Variants in ZFHX3 observed in about 807,000 individuals in gnomAD.
ZFHX3 encodes zinc finger homeobox 3.
Under a neutral mutation model 279.1 loss-of-function variants are expected in ZFHX3, and 42 were observed. The ratio of observed to expected loss-of-function variants is 0.15; its 90% confidence interval spans 0.12 to 0.19. ZFHX3 has a LOEUF of 0.19. Ranked by LOEUF, ZFHX3 falls within the 10% of genes least tolerant of loss-of-function variation. The pLI is 1.00. For synonymous variants in ZFHX3, 2,293 were observed against 1,957.8 expected (o/e 1.17, Z -4.52); for missense variants, 4,981 against 4,754.0 (o/e 1.05, Z -1.40).
intron 3 of ZFHX3, among the ~76,000 whole-genome samples, chr16:73,349,000 A>T (rs1360526072): frequency 3.3e-5 from 5 of 152,186 alleles, no homozygotes; most frequent in African/African-American, 1.2e-4. Context: ...GGATGGTTTT[A>T]TTATCCTGGG....
intron 1 of ZFHX3, among the ~76,000 whole-genome samples, chr16:73,693,409 G>A (rs1241670809): frequency 1.3e-5 from 2 of 152,014 alleles, no homozygotes; most frequent in South Asian, 4.2e-4. Context: ...ATTATTTATA[G>A]AAGATTCACT....
chr16:73,245,259 C>T (rs1450535683), intron 5 of ZFHX3, among the ~76,000 whole-genome samples: 3 of 152,170 alleles, frequency 2.0e-5, no homozygotes, highest in Non-Finnish European at 4.4e-5. Context: ...CACATCCCCA[C>T]TTTTCTGTTT....
intron 3 of ZFHX3, among the ~76,000 whole-genome samples, chr16:73,369,246 CA>C (rs1386839383): frequency 6.6e-6 from 1 of 152,154 alleles, no homozygotes; most frequent in Non-Finnish European, 1.5e-5. Context: ...AGGGTTGAAA[CA>C]ATACAGTGCA....
At chr16:72,818,400 T>A (rs1283544979) in intron 5 of ZFHX3, among the ~76,000 whole-genome samples, 1 of 152,222 alleles carries the variant, frequency 6.6e-6, no homozygotes, top group African/African-American at 2.4e-5. Context: ...TGGGCTTTCT[T>A]ACTTGAATCT....
intron 2 of ZFHX3, among the ~76,000 whole-genome samples, chr16:73,552,177 T>C (rs2143771818): frequency 6.6e-6 from 1 of 152,278 alleles, no homozygotes; most frequent in East Asian, 1.9e-4. Context: ...TGGGGCAATC[T>C]TGAGTTTTTA....
chr16:72,913,491 G>A (rs1028123880), intron 3 of ZFHX3, among the ~76,000 whole-genome samples: 1 of 152,128 alleles, frequency 6.6e-6, no homozygotes, highest in African/African-American at 2.4e-5. Flanking sequence ...GCCACCAAGG[G>A]GAAGGACCCT....
At chr16:73,387,169 G>A (rs2016917714) in intron 3 of ZFHX3, 1 of 152,176 alleles carries the variant, frequency 6.6e-6, no homozygotes, top group Non-Finnish European at 1.5e-5. Flanking sequence ...AAAAACCCAT[G>A]GTCCCTGCAT....
At chr16:72,942,316 C>T (rs544066847) in intron 3 of ZFHX3, among the ~76,000 whole-genome samples, 2 of 152,208 alleles carry the variant, frequency 1.3e-5, no homozygotes, top group East Asian at 1.9e-4. Flanking sequence ...GCAGAAGCAA[C>T]GGAATATTTG....
intron 4 of ZFHX3, among the ~76,000 whole-genome samples, chr16:72,840,920 A>G (rs1426368145): frequency 2.0e-5 from 3 of 152,246 alleles, no homozygotes; most frequent in Non-Finnish European, 4.4e-5. Context: ...AAATCAGGCC[A>G]GCTTGAGGCA....
rs10672414 is a variant in ZFHX3 at position 73,055,847 on chromosome 16, T to TACACACACACACACAC, written c.-24+2667_-24+2682dup. Among the ~76,000 whole-genome samples, 691 of 138,686 alleles carry TACACACACACACACAC rather than the reference T, an allele frequency of 5.0e-3. 3 individuals are homozygous for TACACACACACACACAC. The highest frequency in any genetic ancestry group is 7.6e-3 in the Admixed American group (108 of 14,148). The allele number at this position is 138,686 out of a possible 152,430, so 91.0% of individuals were successfully genotyped here. On this transcript the variant is annotated intron_variant, in intron 1 of 8. Transcript: ENST00000397992. ...CCCCAAATCCTCATACCTACAACTC[T>TACACACACACACACAC]ACACACACACACACACACACACACA...
intron 3 of ZFHX3, among the ~76,000 whole-genome samples, chr16:73,420,432 G>A (rs1350699663): frequency 1.3e-5 from 2 of 152,128 alleles, no homozygotes; most frequent in Non-Finnish European, 2.9e-5. Context: ...AGACATGTGG[G>A]TTATCACCAC....
intron 6 of ZFHX3, among the ~76,000 whole-genome samples, chr16:73,131,437 A>G (rs540853547): frequency 6.6e-5 from 10 of 152,322 alleles, no homozygotes; most frequent in East Asian, 1.9e-4. Context: ...AACTTGTCCA[A>G]GGTCATTCAG....
At chr16:72,931,675 G>A (rs1016755371) in intron 3 of ZFHX3, among the ~76,000 whole-genome samples, 2 of 152,080 alleles carry the variant, frequency 1.3e-5, no homozygotes, top group Non-Finnish European at 2.9e-5. Context: ...GACTGCAGGT[G>A]CTCCCTACAG....
At chr16:73,805,077 T>C (rs938636996) in intron 1 of ZFHX3, among the ~76,000 whole-genome samples, 18 of 152,142 alleles carry the variant, frequency 1.2e-4, no homozygotes, top group Non-Finnish European at 1.9e-4. Flanking sequence ...TCTGACACAA[T>C]CAGAGAAAAT....
At chr16:73,659,243 G>A (rs1420180827) in intron 2 of ZFHX3, among the ~76,000 whole-genome samples, 1 of 152,110 alleles carries the variant, frequency 6.6e-6, no homozygotes, top group East Asian at 1.9e-4. Flanking sequence ...GACAGGCAGG[G>A]ATTCACACAA....
chr16:73,151,137 TAG>T (rs1255677251), intron 5 of ZFHX3, among the ~76,000 whole-genome samples: 2 of 152,182 alleles, frequency 1.3e-5, no homozygotes, highest in African/African-American at 2.4e-5. Context: ...CAAAAATTCA[TAG>T]AGACAGAAAA....
intron 5 of ZFHX3, among the ~76,000 whole-genome samples, chr16:73,152,795 G>A (rs1445567931): frequency 3.3e-5 from 5 of 149,278 alleles, no homozygotes; most frequent in Non-Finnish European, 7.4e-5. Flanking sequence ...CTGGGCTACC[G>A]GGGTGAGGAG....
intron 3 of ZFHX3, among the ~76,000 whole-genome samples, chr16:73,379,511 A>G (rs570667534): frequency 6.6e-6 from 1 of 152,342 alleles, no homozygotes; most frequent in South Asian, 2.1e-4. Flanking sequence ...CTTCACCCAC[A>G]TAGCAGAGAC....
intron 2 of ZFHX3, among the ~76,000 whole-genome samples, chr16:73,659,523 A>G (rs111905827): frequency 0.011 from 1,654 of 152,242 alleles, 33 homozygotes; most frequent in African/African-American, 0.036. Flanking sequence ...CCAGGGCACC[A>G]TGCGCACTCA....
Sources: gnomAD v4.1 joint callset for allele counts (sites outside exome capture counted in the v4.1 genomes callset) on GRCh38, gnomAD v4.1.1 for gene constraint, MANE v1.5 for transcripts, NCBI Gene and HGNC (gene_info 2026-07-23, HGNC 2026-07-21) for gene names.